Variants in DENND1B observed in about 807,000 individuals in gnomAD.
The protein encoded by DENND1B is DENN domain containing 1B.
In DENND1B, 59 loss-of-function variants were observed where a neutral mutation model predicts 90.1. The ratio of observed to expected loss-of-function variants is 0.65; its 90% CI spans 0.53 to 0.81. The LOEUF (loss-of-function observed/expected upper bound fraction) is 0.81. Among genes scored for constraint, DENND1B ranks in the 40% least tolerant of loss-of-function variants. The pLI, the probability that DENND1B is intolerant of heterozygous loss-of-function variation, is 0.00. For synonymous variants in DENND1B, 337 were observed against 324.6 expected (o/e 1.04, Z -0.41); for missense variants, 862 against 912.6 (o/e 0.94, Z 0.71).
At chr1:197,536,217 G>A (rs1669894350) in intron 20 of DENND1B, among the ~76,000 whole-genome samples, 1 of 151,186 alleles carries the variant, frequency 6.6e-6, no homozygotes, top group African/African-American at 2.4e-5. Context: ...GAGAGAAGCT[G>A]ATATTCTTCC....
chr1:197,507,650 CT>C lies in DENND1B; in HGVS notation c.*2809del, dbSNP rs1395082905. 1 of 151,492 alleles carries C rather than the reference CT, an allele frequency of 6.6e-6. No homozygotes were observed. The highest frequency in any genetic ancestry group is 1.5e-5 in the Non-Finnish European group (1 of 67,670). 9.4% of individuals were successfully genotyped at this position (151,492 alleles called of 1,614,324 possible). A position where few individuals can be genotyped will look rare whatever the true frequency, so the allele number is the denominator to read the frequency against. ...TTCTGTTGTATAACAGGTGTTGCTT[CT>C]TTGAAAAATAATTTCAAAAAGCAGA... On this transcript the variant is annotated 3_prime_UTR_variant, in exon 23 of 23. Coordinates refer to ENST00000620048, the MANE Select transcript of DENND1B (RefSeq NM_001195215.2).
intron 16 of DENND1B, among the ~76,000 whole-genome samples, chr1:197,548,349 C>T (rs192811928): frequency 1.3e-5 from 2 of 152,288 alleles, no homozygotes; most frequent in African/African-American, 4.8e-5. Flanking sequence ...CAGGCCTACT[C>T]TATCTTTGTG....
At chr1:197,568,376 C>T (rs1231660022) in intron 15 of DENND1B, among the ~76,000 whole-genome samples, 2 of 152,070 alleles carry the variant, frequency 1.3e-5, no homozygotes, top group African/African-American at 4.8e-5. Flanking sequence ...ATTCCATGTT[C>T]ATGTGTTCAT....
chr1:197,575,512 A>G (rs1279819833), intron 15 of DENND1B, among the ~76,000 whole-genome samples: 1 of 152,202 alleles, frequency 6.6e-6, no homozygotes, highest in African/African-American at 2.4e-5. Flanking sequence ...ACCATTGTGG[A>G]AAAAAGTGTG....
chr1:197,538,303 T>C (rs1262392906), intron 20 of DENND1B, among the ~76,000 whole-genome samples: 8 of 151,978 alleles, frequency 5.3e-5, no homozygotes, highest in African/African-American at 1.7e-4. Flanking sequence ...ATATTAGTGG[T>C]GGGAAAAAAA....
chr1:197,694,627 T>G (rs748283693), intron 3 of DENND1B, among the ~76,000 whole-genome samples: 8 of 151,456 alleles, frequency 5.3e-5, no homozygotes, highest in Non-Finnish European at 1.0e-4. Context: ...TAAATTCCAG[T>G]TTCACTTTTG....
intron 14 of DENND1B, among the ~76,000 whole-genome samples, chr1:197,583,499 A>C (rs1674426437): frequency 1.3e-5 from 2 of 152,196 alleles, no homozygotes; most frequent in South Asian, 4.1e-4. Context: ...AAGTAAAAGT[A>C]AATCCCCTAA....
chr1:197,607,651 T>A (rs1490851930), intron 12 of DENND1B, among the ~76,000 whole-genome samples: 1 of 150,738 alleles, frequency 6.6e-6, no homozygotes, highest in Non-Finnish European at 1.5e-5. Flanking sequence ...AGGTATATGT[T>A]GGTGATGAGG....
At chr1:197,645,477 T>C (rs1031653915) in intron 9 of DENND1B, among the ~76,000 whole-genome samples, 1 of 151,852 alleles carries the variant, frequency 6.6e-6, no homozygotes, top group Non-Finnish European at 1.5e-5. Context: ...ATTTTCCTTA[T>C]CCACAACCAG....
intron 5 of DENND1B, among the ~76,000 whole-genome samples, chr1:197,663,347 T>C (rs977963793): frequency 3.3e-5 from 5 of 152,154 alleles, no homozygotes; most frequent in African/African-American, 9.6e-5. Context: ...ATATCATTCA[T>C]TTTTTAAATA....
intron 7 of DENND1B, among the ~76,000 whole-genome samples, chr1:197,648,263 G>A (rs1314578105): frequency 1.3e-5 from 2 of 151,992 alleles, no homozygotes; most frequent in African/African-American, 4.8e-5. Flanking sequence ...AAGTTGACAT[G>A]CTCAATTTCT....
chr1:197,671,428 C>G (rs1655494487), intron 5 of DENND1B, among the ~76,000 whole-genome samples: 1 of 152,194 alleles, frequency 6.6e-6, no homozygotes, highest in African/African-American at 2.4e-5. Flanking sequence ...CCTTTGGAAA[C>G]TAGCAAGCTC....
At chr1:197,610,455 CA>C (rs56811864) in intron 12 of DENND1B, among the ~76,000 whole-genome samples, 26 of 147,686 alleles carry the variant, frequency 1.8e-4, no homozygotes, top group African/African-American at 4.2e-4. Flanking sequence ...AATCATTATG[CA>C]AAAAAAAAAT....
In DENND1B at chr1:197,554,832, C is replaced by CAAAAAA. The variant is rs11440581; in HGVS notation, c.1150-1726_1150-1721dup. ...ACTCCAGCCTGGCAAGACTCCATCTCAAAAAAAAAAAAAAAAAAAAAGAGG... is the reference window on the plus strand; with the variant it reads ...ACTCCAGCCTGGCAAGACTCCATCTCAAAAAAAAAAAAAAAAAAAAAAAAAAAGAGG... On this transcript the variant is annotated intron_variant, in intron 15 of 22. Coordinates refer to ENST00000620048, the MANE Select transcript of DENND1B (RefSeq NM_001195215.2). Among the ~76,000 whole-genome samples, 139 of 69,362 alleles carry CAAAAAA rather than the reference C, an allele frequency of 2.0e-3. 4 individuals carry two copies. Among genetic ancestry groups the CAAAAAA allele is most frequent in the African/African-American group, 8.7e-3 (135 of 15,502 alleles). 45.5% of individuals were successfully genotyped at this position (69,362 alleles called of 152,430 possible).
At chr1:197,656,652 A>G (rs1417194298) in intron 6 of DENND1B, among the ~76,000 whole-genome samples, 2 of 152,060 alleles carry the variant, frequency 1.3e-5, no homozygotes, top group Non-Finnish European at 2.9e-5. Flanking sequence ...AAAATTAAAA[A>G]ATTAGCTATT....
chr1:197,729,897 CT>C (rs1661996604), intron 2 of DENND1B, among the ~76,000 whole-genome samples: 1 of 152,102 alleles, frequency 6.6e-6, no homozygotes, highest in Admixed American at 6.6e-5. Context: ...AGAGTTATAA[CT>C]TCATCATGTC....
chr1:197,697,284 C>G (rs148349671), intron 3 of DENND1B, among the ~76,000 whole-genome samples: 45 of 151,508 alleles, frequency 3.0e-4, no homozygotes, highest in African/African-American at 1.1e-3. Flanking sequence ...ATATAACTGA[C>G]AGGGTTAGGA....
At chr1:197,679,688 C>T (rs1024874271) in intron 3 of DENND1B, among the ~76,000 whole-genome samples, 1 of 149,682 alleles carries the variant, frequency 6.7e-6, no homozygotes, top group Non-Finnish European at 1.5e-5. Flanking sequence ...ATATTTACAA[C>T]AAGACAAGTG....
chr1:197,576,507 T>C (rs966919899), intron 15 of DENND1B, among the ~76,000 whole-genome samples: 10 of 152,218 alleles, frequency 6.6e-5, no homozygotes, highest in African/African-American at 2.4e-4. Flanking sequence ...ACTGAAATTT[T>C]AGTTTTATTT....
Sources: gnomAD v4.1 joint callset for allele counts (sites outside exome capture counted in the v4.1 genomes callset) on GRCh38, gnomAD v4.1.1 for gene constraint, MANE v1.5 for transcripts, NCBI Gene and HGNC (gene_info 2026-07-23, HGNC 2026-07-21) for gene names.